LRCH3: variants seen among roughly 807,000 people sequenced by gnomAD.
The protein encoded by LRCH3 is DISP complex protein LRCH3.
LRCH3 carries 68 observed loss-of-function variants against 104.5 expected under a neutral mutation model. The ratio of observed to expected loss-of-function variants is 0.65; its 90% CI spans 0.54 to 0.80. The LOEUF (loss-of-function observed/expected upper bound fraction) is 0.80. Among genes scored for constraint, LRCH3 ranks in the 30% least tolerant of loss-of-function variants. The probability of loss-of-function intolerance (pLI) is 0.00; values close to 1 mark genes in which losing one functional copy is unlikely to be tolerated. For missense variants in LRCH3, 951 were observed against 953.9 expected (o/e 1.00, Z 0.04); for synonymous variants, 344 against 361.3 (o/e 0.95, Z 0.54).
At chr3:197,871,581 T>A in intron 19 of LRCH3, 119 bp downstream of exon 19, 1 of 1,348,684 alleles carries the variant, frequency 7.4e-7, no homozygotes, top group Non-Finnish European at 1.0e-6. Context: ...GAGTCCAGTC[T>A]CTACCTTCCT....
intron 15 of LRCH3, among the ~76,000 whole-genome samples, chr3:197,864,593 A>T (rs1414886808): frequency 6.8e-6 from 1 of 147,980 alleles, no homozygotes; most frequent in Non-Finnish European, 1.5e-5. Context: ...CTGGGCAATA[A>T]GAGCTAAACT....
intron 14 of LRCH3, among the ~76,000 whole-genome samples, chr3:197,855,468 G>C (rs1740125167): frequency 6.6e-6 from 1 of 152,146 alleles, no homozygotes; most frequent in Non-Finnish European, 1.5e-5. Context: ...AAGAGTGAAG[G>C]TTAAACTTAT....
At position 197,810,084 on chromosome 3, in the gene LRCH3, T is replaced by C. The variant is rs1407626467; in HGVS notation, c.263-4824T>C. Among the ~76,000 whole-genome samples, 5 of 152,094 alleles carry C rather than the reference T, an allele frequency of 3.3e-5. No homozygotes were observed. The highest frequency in any genetic ancestry group is 2.6e-4 in the Admixed American group (4 of 15,272). On this transcript the variant is annotated intron_variant, in intron 1 of 20. Coordinates refer to ENST00000425562, the MANE Select transcript of LRCH3 (RefSeq NM_001365715.1). The surrounding 1 kb of genome is among the most constrained non-coding windows in gnomAD (Gnocchi z 4.0). Reference sequence around the variant, plus strand: ...TTTTTTCCAGTTTTTTTCTGAGATATTTGGGTGGAATAGAGCAGTTATTAT... The same window carrying C: ...TTTTTTCCAGTTTTTTTCTGAGATACTTGGGTGGAATAGAGCAGTTATTAT...
At chr3:197,792,604 T>TATATATATATATATATAA (rs1553912025) in intron 1 of LRCH3, among the ~76,000 whole-genome samples, 10 of 58,550 alleles carry the variant, frequency 1.7e-4, no homozygotes, top group South Asian at 6.4e-4. Flanking sequence ...TATATATATA[T>TATATATATATATATATAA]AAAATATACA....
Position 197,883,396 on chromosome 3 carries a change from C to T in LRCH3, c.2209-145C>T. 7.2e-7 allele frequency: 1 copy of T among 1,396,846 alleles called. No homozygotes were observed. The highest frequency in any genetic ancestry group is 9.4e-7 in the Non-Finnish European group (1 of 1,067,930). The allele number at this position is 1,396,846 out of a possible 1,614,324, so 86.5% of individuals were successfully genotyped here. A position where few individuals can be genotyped will look rare whatever the true frequency, so the allele number is the denominator to read the frequency against. On this transcript the variant is annotated intron_variant, in intron 20 of 20. Transcript: ENST00000425562. This position sits in a 1 kb window ranked among gnomAD's most constrained non-coding sequence, Gnocchi z 4.2. ...ACACCATCTCTCTAACTCATATTTA[C>T]ACTGAGGTCAGTTTCCCAGGTACTA...
intron 9 of LRCH3, among the ~76,000 whole-genome samples, chr3:197,838,895 G>T (rs1389294722): frequency 6.6e-6 from 1 of 152,154 alleles, no homozygotes; most frequent in Non-Finnish European, 1.5e-5. Flanking sequence ...AATGTAACCT[G>T]CCCAGTGAAC....
intron 20 of LRCH3, among the ~76,000 whole-genome samples, chr3:197,879,997 G>A (rs999613408): frequency 1.3e-5 from 2 of 150,398 alleles, no homozygotes; most frequent in African/African-American, 2.5e-5. Context: ...CCAGGCTGGA[G>A]TGCGGTGGCG....
At chr3:197,881,007 A>C in intron 20 of LRCH3, 1 of 1,264,408 alleles carries the variant, frequency 7.9e-7, no homozygotes, top group Non-Finnish European at 1.0e-6. Context: ...AAGCATTTTT[A>C]CTAATACAAT....
At chr3:197,871,519 T>G (rs1712190928) in intron 19 of LRCH3, 57 bp downstream of exon 19, 2 of 1,597,018 alleles carry the variant, frequency 1.3e-6, no homozygotes, top group Non-Finnish European at 1.7e-6. Context: ...TTAAGCACAG[T>G]GGACAGACAT....
chr3:197,866,115 A>G lies in LRCH3; in HGVS notation c.1769A>G (p.His590Arg). 3 of 1,609,884 alleles carry G rather than the reference A, an allele frequency of 1.9e-6. No individual in the cohort carries two copies. Among genetic ancestry groups the G allele is most frequent in the Non-Finnish European group, 2.6e-6 (3 of 1,176,274 alleles). ...LLSSPATETV[H>R]HSPAYSFPAA... is the part of the protein sequence containing the mutation. The stretch of plus-strand genomic sequence containing the variant: ...TTTATTTTTCATGCTAATTTAGTTC[A>G]TCATTCCCCTGCATATTCTTTTCCT... Residue 590 changes from histidine (H) to arginine (R), a missense_variant, in exon 17 of 21, where the codon CAT becomes CGT. Physicochemically the swap from His to Arg is conservative, Grantham distance 29. Coordinates refer to ENST00000425562, the MANE Select transcript of LRCH3 (RefSeq NM_001365715.1).
At chr3:197,861,207 A>G (rs564347963) in intron 15 of LRCH3, among the ~76,000 whole-genome samples, 2 of 152,266 alleles carry the variant, frequency 1.3e-5, no homozygotes, top group East Asian at 3.9e-4. Flanking sequence ...CATGCCCTAC[A>G]TACCTGGATG....
chr3:197,798,972 C>G (rs1295574673), intron 1 of LRCH3, among the ~76,000 whole-genome samples: 2 of 151,598 alleles, frequency 1.3e-5, no homozygotes, highest in Non-Finnish European at 2.9e-5. Context: ...ATAGAACTCT[C>G]TCATCACTGC....
At position 197,829,684 on chromosome 3, in the gene LRCH3, T is replaced by A; in HGVS notation, c.887+11T>A. 1 of 1,539,396 alleles carries A rather than the reference T, an allele frequency of 6.5e-7. No individual in the cohort carries two copies. The highest frequency in any genetic ancestry group is 8.9e-7 in the Non-Finnish European group (1 of 1,126,612). ...GGGTTTTGGCTCCTGGTAAGTATATTCTGTCCCTTTATCTATCATATTTTT... is the reference window on the plus strand; with the variant it reads ...GGGTTTTGGCTCCTGGTAAGTATATACTGTCCCTTTATCTATCATATTTTT... On this transcript the variant is annotated intron_variant, in intron 6 of 20. Transcript: ENST00000425562.
intron 1 of LRCH3, among the ~76,000 whole-genome samples, chr3:197,809,628 T>C (rs563621866): frequency 6.6e-6 from 1 of 152,146 alleles, no homozygotes; most frequent in East Asian, 1.9e-4. Context: ...TTGTTCAGGC[T>C]GGGTAATTTC....
intron 11 of LRCH3, 33 bp downstream of exon 11, chr3:197,847,493 T>C: frequency 6.4e-7 from 1 of 1,555,188 alleles, no homozygotes; most frequent in Non-Finnish European, 8.6e-7. Flanking sequence ...ATTTTTGCTT[T>C]TTAAACTAAG....
At chr3:197,828,415 G>A (rs1735485641) in intron 5 of LRCH3, among the ~76,000 whole-genome samples, 1 of 151,784 alleles carries the variant, frequency 6.6e-6, no homozygotes, top group South Asian at 2.1e-4. Context: ...GCGCGATCTC[G>A]GCTCTCTGCA....
In LRCH3 at chr3:197,792,736, C is replaced by T. The variant is rs1052098230; in HGVS notation, c.262+1196C>T. Among the ~76,000 whole-genome samples the T allele has an allele frequency of 4.8e-4, 71 of 148,028 alleles. 1 individual carries two copies. Among genetic ancestry groups the T allele is most frequent in the Non-Finnish European group, 1.0e-3 (67 of 67,262 alleles). Reference sequence around the variant, plus strand: ...ACACAATCTCTGCTCATTGCAACCTCTGCCTCCCAGGCTCAGGTGATCCTC... The same window carrying T: ...ACACAATCTCTGCTCATTGCAACCTTTGCCTCCCAGGCTCAGGTGATCCTC... On this transcript the variant is annotated intron_variant, in intron 1 of 20. Coordinates refer to ENST00000425562, the MANE Select transcript of LRCH3 (RefSeq NM_001365715.1).
chr3:197,878,500 G>A (rs1713165061), intron 20 of LRCH3, among the ~76,000 whole-genome samples: 1 of 152,082 alleles, frequency 6.6e-6, no homozygotes, highest in Non-Finnish European at 1.5e-5. Flanking sequence ...TTTCCAGAGT[G>A]GTTAGGCTGA....
chr3:197,871,836 A>G (rs1712230020), intron 19 of LRCH3, among the ~76,000 whole-genome samples: 1 of 152,200 alleles, frequency 6.6e-6, no homozygotes, highest in African/African-American at 2.4e-5. Context: ...GGATTTCTAG[A>G]TTCAGAAGCT....
Sources: gnomAD v4.1 joint callset for allele counts (sites outside exome capture counted in the v4.1 genomes callset) on GRCh38, gnomAD v4.1.1 for gene constraint, Gnocchi (gnomAD v3.1) non-coding constraint, MANE v1.5 for transcripts, NCBI Gene and HGNC (gene_info 2026-07-23, HGNC 2026-07-21) for gene names.